Variants in NAV2 observed in about 807,000 individuals in gnomAD.
NAV2 encodes the protein helicase, APC down-regulated 1.
NAV2 carries 54 observed loss-of-function variants against 223.2 expected under a neutral mutation model. The ratio of observed to expected loss-of-function variants is 0.24; its 90% CI spans 0.19 to 0.30. The LOEUF is 0.30. NAV2 is among the 10% of genes least tolerant of loss of function. The pLI is 1.00. For synonymous variants in NAV2, 1,279 were observed against 1,239.3 expected (o/e 1.03, Z -0.67); for missense variants, 2,806 against 3,147.5 (o/e 0.89, Z 2.60).
chr11:20,112,427 G>C (rs947904499), intron 36 of NAV2, among the ~76,000 whole-genome samples: 2 of 152,086 alleles, frequency 1.3e-5, no homozygotes, highest in Non-Finnish European at 2.9e-5. Context: ...TTAAGCAGAG[G>C]GGGTGATAGC....
chr11:19,925,127 C>G (rs796197654), intron 6 of NAV2, among the ~76,000 whole-genome samples: 1 of 152,020 alleles, frequency 6.6e-6, no homozygotes, highest in Non-Finnish European at 1.5e-5. Flanking sequence ...TTTTAAAATC[C>G]GGTTGTTTTT....
At chr11:19,832,705 C>A in intron 2 of NAV2, 104 bp downstream of exon 2, 1 of 864,342 alleles carries the variant, frequency 1.2e-6, no homozygotes. Flanking sequence ...AGGCAGCTTT[C>A]TGTCTCATGT....
intron 1 of NAV2, among the ~76,000 whole-genome samples, chr11:19,449,729 A>G (rs1039411656): frequency 2.0e-5 from 3 of 152,148 alleles, no homozygotes; most frequent in Non-Finnish European, 2.9e-5. Flanking sequence ...CCTTGAGGGC[A>G]GGGCTGGGCC....
At chr11:19,992,560 A>AGT (rs2051440899) in intron 11 of NAV2, among the ~76,000 whole-genome samples, 1 of 148,822 alleles carries the variant, frequency 6.7e-6, no homozygotes, top group South Asian at 2.1e-4. Flanking sequence ...GGTCAGAGAG[A>AGT]GTATAATCAT....
intron 1 of NAV2, among the ~76,000 whole-genome samples, chr11:19,787,820 A>G (rs2057246535): frequency 6.6e-6 from 1 of 152,158 alleles, no homozygotes; most frequent in Non-Finnish European, 1.5e-5. Context: ...AGGGTCATAA[A>G]TAAGGTGAAT....
intron 1 of NAV2, among the ~76,000 whole-genome samples, chr11:19,778,737 C>T (rs957215885): frequency 6.6e-6 from 1 of 152,142 alleles, no homozygotes; most frequent in African/African-American, 2.4e-5. Context: ...CATTAGCAGA[C>T]GTTATGCACC....
At chr11:19,861,898 G>T (rs2061816548) in intron 3 of NAV2, among the ~76,000 whole-genome samples, 1 of 152,182 alleles carries the variant, frequency 6.6e-6, no homozygotes, top group Non-Finnish European at 1.5e-5. Flanking sequence ...CTCTCATAGG[G>T]TCTACCATCT....
At chr11:19,471,560 G>A (rs183380234) in intron 1 of NAV2, among the ~76,000 whole-genome samples, 3 of 152,232 alleles carry the variant, frequency 2.0e-5, no homozygotes, top group East Asian at 3.9e-4. Flanking sequence ...AGGACCTGAG[G>A]GTAAGTGGGG....
chr11:19,378,431 G>A (rs534729522), intron 1 of NAV2, among the ~76,000 whole-genome samples: 110 of 152,270 alleles, frequency 7.2e-4, no homozygotes, highest in African/African-American at 2.5e-3. Context: ...CACCTTATCT[G>A]CTCCTTGGCA....
At chr11:19,593,408 G>A (rs1269307811) in intron 1 of NAV2, among the ~76,000 whole-genome samples, 1 of 150,408 alleles carries the variant, frequency 6.6e-6, no homozygotes, top group Non-Finnish European at 1.5e-5. Context: ...ATATACCACT[G>A]ATACATGACT....
At chr11:19,616,864 C>G (rs562387584) in intron 1 of NAV2, among the ~76,000 whole-genome samples, 7 of 152,072 alleles carry the variant, frequency 4.6e-5, no homozygotes, top group Non-Finnish European at 8.8e-5. Context: ...GTAGAAAGAG[C>G]ATGAGGCTTT....
At chr11:19,776,577 GGT>G (rs71050684) in intron 1 of NAV2, among the ~76,000 whole-genome samples, 1,285 of 115,954 alleles carry the variant, frequency 0.011, 36 homozygotes, top group African/African-American at 0.038. Context: ...CTGGGGCAGG[GGT>G]GTGTGTGTGT....
At chr11:19,586,447 G>T (rs1423303571) in intron 1 of NAV2, among the ~76,000 whole-genome samples, 5 of 152,202 alleles carry the variant, frequency 3.3e-5, no homozygotes, top group East Asian at 1.9e-4. Flanking sequence ...TGTAGGAGGA[G>T]AGGTGCTCTG....
At chr11:19,416,914 C>G (rs951793240) in intron 1 of NAV2, among the ~76,000 whole-genome samples, 1 of 152,094 alleles carries the variant, frequency 6.6e-6, no homozygotes, top group African/African-American at 2.4e-5. Flanking sequence ...TGAAACTGTA[C>G]CGCTTCCTTA....
At chr11:20,036,705 C>CT (rs900142310) in intron 12 of NAV2, among the ~76,000 whole-genome samples, 1 of 152,162 alleles carries the variant, frequency 6.6e-6, no homozygotes, top group African/African-American at 2.4e-5. Flanking sequence ...CCTGGTTGCT[C>CT]TTGAGAAAAA....
chr11:19,892,552 C>G lies in NAV2; in HGVS notation c.889C>G (p.Pro297Ala), dbSNP rs374891415. ...QSFNNYDKSK[P>A]VTSPPPPPSS... The stretch of plus-strand genomic sequence containing the variant: ...CTTTAACAACTATGATAAATCCAAA[C>G]CAGTCACCTCCCCACCCCCACCGCC... The change falls in exon 6 of 38, where the codon CCA becomes GCA. Residue 297 changes from proline to alanine, a missense_variant. Transcript: ENST00000349880. 6.2e-7 allele frequency: 1 copy of G among 1,614,064 alleles called. No individual in the cohort carries two copies. Among genetic ancestry groups the G allele is most frequent in the South Asian group, 1.1e-5 (1 of 91,036 alleles).
At chr11:20,056,622 G>A in intron 19 of NAV2, 1 of 1,608,372 alleles carries the variant, frequency 6.2e-7, no homozygotes, top group Non-Finnish European at 8.5e-7. Context: ...CGCAAGGTAT[G>A]AGTTAGGTGA....
chr11:19,426,151 C>A (rs1164885535), intron 1 of NAV2, among the ~76,000 whole-genome samples: 1 of 152,124 alleles, frequency 6.6e-6, no homozygotes, highest in African/African-American at 2.4e-5. Context: ...GAATGTGGGT[C>A]TCAGCAAAAT....
intron 1 of NAV2, among the ~76,000 whole-genome samples, chr11:19,400,283 A>G (rs1291914274): frequency 2.0e-5 from 3 of 152,196 alleles, no homozygotes; most frequent in Non-Finnish European, 4.4e-5. Flanking sequence ...ATCTTCATCA[A>G]TGGAGTGAGG....
Sources: gnomAD v4.1 joint callset for allele counts (sites outside exome capture counted in the v4.1 genomes callset) on GRCh38, gnomAD v4.1.1 for gene constraint, MANE v1.5 for transcripts, NCBI Gene and HGNC (gene_info 2026-07-23, HGNC 2026-07-21) for gene names.